Variants in CARD8 observed in about 807,000 individuals in gnomAD.
CARD8 encodes caspase recruitment domain-containing protein 8.
Under a neutral mutation model 53.2 loss-of-function variants are expected in CARD8, and 38 were observed. That is an observed-to-expected ratio of 0.71 (90% CI 0.55 to 0.94). The LOEUF (loss-of-function observed/expected upper bound fraction) is 0.94, where lower values mean the gene tolerates loss of function less well. CARD8 is among the 40% of genes least tolerant of loss of function. CARD8 has a pLI of 0.00. For missense variants in CARD8, 561 were observed against 655.5 expected, an observed-to-expected ratio of 0.86 and a Z score of 1.57; for synonymous variants, 245 against 244.9, an observed-to-expected ratio of 1.00 and a Z score of 0.00.
intron 3 of CARD8, among the ~76,000 whole-genome samples, chr19:48,247,315 C>A (rs866687545): frequency 6.6e-6 from 1 of 152,166 alleles, no homozygotes; most frequent in Non-Finnish European, 1.5e-5. Flanking sequence ...CACAGCAAGA[C>A]TCCATCTCAA....
chr19:48,231,232 A>C (rs1430337444), intron 8 of CARD8, among the ~76,000 whole-genome samples: 1 of 152,206 alleles, frequency 6.6e-6, no homozygotes, highest in African/African-American at 2.4e-5. Context: ...TGCATGAAAT[A>C]AACATATTAT....
At chr19:48,227,330 G>C (rs1016235295) in intron 10 of CARD8, among the ~76,000 whole-genome samples, 4 of 152,128 alleles carry the variant, frequency 2.6e-5, no homozygotes, top group African/African-American at 9.7e-5. Context: ...CAGGACTGGA[G>C]ATATAGACTG....
intron 11 of CARD8, among the ~76,000 whole-genome samples, chr19:48,220,954 A>AAGGAAGAAAGG (rs10638078): frequency 9.9e-6 from 1 of 101,270 alleles, no homozygotes. Flanking sequence ...AAAGGAAAGG[A>AAGGAAGAAAGG]AAGGAAGGAA....
chr19:48,217,324 A>G (rs1024352821), intron 12 of CARD8, among the ~76,000 whole-genome samples: 3 of 152,154 alleles, frequency 2.0e-5, no homozygotes, highest in African/African-American at 7.2e-5. Context: ...CTAAAATACA[A>G]CAGCAGCAAC....
chr19:48,214,769 CTTTTTTTTTTTTTTT>C lies in CARD8; in HGVS notation c.1348+556_1348+570del, dbSNP rs531199248. Among the ~76,000 whole-genome samples, 76 of 89,566 alleles carry C rather than the reference CTTTTTTTTTTTTTTT, an allele frequency of 8.5e-4. 1 individual carries two copies. The highest frequency in any genetic ancestry group is 3.2e-3 in the African/African-American group (66 of 20,584). 58.8% of individuals were successfully genotyped at this position (89,566 alleles called of 152,430 possible). A position where few individuals can be genotyped will look rare whatever the true frequency, so the allele number is the denominator to read the frequency against. Reference sequence around the variant, plus strand: ...CCTTCCTTTCATTCCTGCTATAAAGCTTTTTTTTTTTTTTTTTTTTTTTTTTTTTTTTTTGTAGAC... The same window carrying C: ...CCTTCCTTTCATTCCTGCTATAAAGCTTTTTTTTTTTTTTTTTTTGTAGAC... On this transcript the variant is annotated intron_variant, in intron 13 of 13. Transcript: ENST00000651546.
chr19:48,242,753 T>C (rs1416404398), intron 3 of CARD8: 1 of 152,172 alleles, frequency 6.6e-6, no homozygotes, highest in Non-Finnish European at 1.5e-5. Context: ...GGTCATATGG[T>C]AACTCTATGT....
intron 3 of CARD8, among the ~76,000 whole-genome samples, chr19:48,241,319 G>A (rs186905417): frequency 6.6e-6 from 1 of 152,178 alleles, no homozygotes; most frequent in African/African-American, 2.4e-5. Flanking sequence ...GCAATGGCGA[G>A]ATCTTGACTC....
At chr19:48,203,226 C>G (rs948296664), downstream of CARD8, 22 of 152,288 alleles carry the variant, frequency 1.4e-4, no homozygotes, top group African/African-American at 4.8e-4. Context: ...CGGGCCCCTG[C>G]TCAAATGCCA....
At chr19:48,232,376 T>A (rs940525489) in intron 7 of CARD8, 77 bp downstream of exon 7, 85 of 1,334,786 alleles carry the variant, frequency 6.4e-5, no homozygotes, top group Non-Finnish European at 8.7e-5. Context: ...GACTCTAAAT[T>A]GTCTTCTTCA....
At chr19:48,224,824 C>G (rs1449553157) in intron 10 of CARD8, among the ~76,000 whole-genome samples, 1 of 149,170 alleles carries the variant, frequency 6.7e-6, no homozygotes, top group Admixed American at 6.7e-5. Flanking sequence ...GGTGCGATCT[C>G]GGCTCACTGA....
At chr19:48,206,807 C>T (rs747486361), downstream of CARD8, among the ~76,000 whole-genome samples, 62 of 152,300 alleles carry the variant, frequency 4.1e-4, no homozygotes, top group Non-Finnish European at 7.4e-4. Flanking sequence ...TTGTTCCACA[C>T]ACCAAGAACC....
intron 13 of CARD8, 93 bp downstream of exon 13, chr19:48,215,247 G>A: frequency 1.1e-6 from 1 of 883,326 alleles, no homozygotes; most frequent in South Asian, 1.4e-5. Context: ...GTAACGTTCT[G>A]GTGCCATGTC....
chr19:48,206,240 G>A, downstream of CARD8: 1 of 330,724 alleles, frequency 3.0e-6, no homozygotes, highest in South Asian at 2.3e-5. Flanking sequence ...GAGACTGGGG[G>A]AGTTACAGAA....
chr19:48,204,377 T>C (rs1180132093), downstream of CARD8: 1 of 337,164 alleles, frequency 3.0e-6, no homozygotes, highest in Non-Finnish European at 6.0e-6. Context: ...TTAGGGGAAA[T>C]GGGATGTTTT....
chr19:48,230,718 C>T lies in CARD8; in HGVS notation c.773-18G>A, dbSNP rs2146198159. ...CTCACCTGCTGCAGGAGAACCACAA[C>T]AGCAGTGAGACGGCACGCACCCCAG... On this transcript the variant is annotated intron_variant, in intron 9 of 13. Coordinates refer to ENST00000651546, the MANE Select transcript of CARD8 (RefSeq NM_001184900.3). 3 of 1,613,268 alleles carry T rather than the reference C, an allele frequency of 1.9e-6. No individual in the cohort carries two copies. Among genetic ancestry groups the T allele is most frequent in the Non-Finnish European group, 2.5e-6 (3 of 1,179,320 alleles).
intron 10 of CARD8, among the ~76,000 whole-genome samples, chr19:48,225,984 C>T (rs1425480235): frequency 3.6e-5 from 5 of 140,080 alleles, no homozygotes; most frequent in Middle Eastern, 3.8e-3. Context: ...ACCTGGGAGA[C>T]GGAGGTTGCA....
intron 1 of CARD8, among the ~76,000 whole-genome samples, chr19:48,252,521 C>A (rs1168554438): frequency 6.7e-6 from 1 of 148,994 alleles, no homozygotes; most frequent in Non-Finnish European, 1.5e-5. Flanking sequence ...GAGACAGAGT[C>A]TTGCTCTGTC....
At position 48,241,050 on chromosome 19, in the gene CARD8, G is replaced by GT; in HGVS notation, c.-31dup. ...CAAATGTGGTATTTATGTCTTTACT[G>GT]TATCTTTTTTACCCTGAAAAAATAA... On this transcript the variant is annotated 5_prime_UTR_variant, in exon 4 of 14. An upstream open reading frame in the 5' UTR loses its in-frame stop. Transcript: ENST00000651546. 1 of 1,508,556 alleles carries GT rather than the reference G, an allele frequency of 6.6e-7. No homozygotes were observed. The highest frequency in any genetic ancestry group is 8.9e-7 in the Non-Finnish European group (1 of 1,122,326). The allele number at this position is 1,508,556 out of a possible 1,614,324, so 93.4% of individuals were successfully genotyped here.
intron 3 of CARD8, among the ~76,000 whole-genome samples, chr19:48,249,066 G>C (rs566431941): frequency 6.6e-6 from 1 of 152,052 alleles, no homozygotes; most frequent in South Asian, 2.1e-4. Context: ...GCGTGGTGGC[G>C]GGCGCCTGTC....
Sources: gnomAD v4.1 joint callset for allele counts (sites outside exome capture counted in the v4.1 genomes callset) on GRCh38, gnomAD v4.1.1 for gene constraint, MANE v1.5 for transcripts, NCBI Gene and HGNC (gene_info 2026-07-23, HGNC 2026-07-21) for gene names.